Variants in THRAP3 observed in about 807,000 individuals in gnomAD.
THRAP3 encodes the protein thyroid hormone receptor-associated protein 3.
Under a neutral mutation model 101.0 loss-of-function variants are expected in THRAP3, and 16 were observed. The observed-to-expected ratio is 0.16, with a 90% confidence interval of 0.11 to 0.24. The LOEUF (loss-of-function observed/expected upper bound fraction) is 0.24, where lower values mean the gene tolerates loss of function less well. THRAP3 is among the 10% of genes least tolerant of loss of function. THRAP3 has a pLI of 1.00. For synonymous variants in THRAP3, 407 were observed against 422.6 expected, an observed-to-expected ratio of 0.96 and a Z score of 0.45; for missense variants, 989 against 1,202.7, an observed-to-expected ratio of 0.82 and a Z score of 2.63.
chr1:36,288,239 GT>G, intron 4 of THRAP3: 1 of 792,586 alleles, frequency 1.3e-6, no homozygotes, highest in Non-Finnish European at 1.5e-6. Flanking sequence ...GATTTCTGAG[GT>G]TTTGGTGCAC....
chr1:36,216,495 CAAAA>C, the THRAP3 span, among the ~76,000 whole-genome samples: 2 of 56,422 alleles, frequency 3.5e-5, no homozygotes, highest in South Asian at 1.1e-3. Context: ...GACTCCGTCT[CAAAA>C]AAAAAAAAAA....
intron 2 of THRAP3, among the ~76,000 whole-genome samples, chr1:36,277,188 C>T (rs1376408886): frequency 6.6e-6 from 1 of 151,900 alleles, no homozygotes; most frequent in East Asian, 2.0e-4. Context: ...AGGCTGATCT[C>T]GAACTCCTGA....
At chr1:36,243,882 C>G (rs1363196098) in intron 1 of THRAP3, among the ~76,000 whole-genome samples, 1 of 144,470 alleles carries the variant, frequency 6.9e-6, no homozygotes, top group Admixed American at 6.8e-5. Context: ...GGGCTGACCC[C>G]CCCACCTCCC....
At chr1:36,267,552 C>T (rs1253986664) in intron 2 of THRAP3, among the ~76,000 whole-genome samples, 1 of 152,168 alleles carries the variant, frequency 6.6e-6, no homozygotes, top group Non-Finnish European at 1.5e-5. Flanking sequence ...AGCTTCTTAC[C>T]TACTAGTGTA....
intron 2 of THRAP3, among the ~76,000 whole-genome samples, chr1:36,262,959 A>ATTTTT (rs55662646): frequency 1.7e-4 from 18 of 104,366 alleles, no homozygotes; most frequent in African/African-American, 3.6e-4. Context: ...GGGCCGGCTA[A>ATTTTT]TTTTTTTTTT....
chr1:36,293,761 T>G (rs1645911073), intron 7 of THRAP3, 90 bp from the exon 8 acceptor site: 2 of 1,111,784 alleles, frequency 1.8e-6, no homozygotes, highest in Non-Finnish European at 2.7e-6. Context: ...ATAATGCCTG[T>G]GAATCTATTA....
At chr1:36,231,680 G>C (rs1645029315) in intron 1 of THRAP3, among the ~76,000 whole-genome samples, 1 of 152,090 alleles carries the variant, frequency 6.6e-6, no homozygotes, top group Admixed American at 6.6e-5. Flanking sequence ...ATAAAGGATT[G>C]ATAGAGGAAT....
At chr1:36,251,548 G>A (rs908649871) in intron 1 of THRAP3, among the ~76,000 whole-genome samples, 3 of 152,214 alleles carry the variant, frequency 2.0e-5, no homozygotes, top group Non-Finnish European at 2.9e-5. Flanking sequence ...TGGGTTTGTC[G>A]TTGACAGAGC....
At chr1:36,220,108 C>G (rs964396710), upstream of THRAP3, among the ~76,000 whole-genome samples, 1 of 152,166 alleles carries the variant, frequency 6.6e-6, no homozygotes, top group African/African-American at 2.4e-5. Flanking sequence ...ATTCTCCTGC[C>G]TCAGCCTCCT....
upstream of THRAP3, among the ~76,000 whole-genome samples, chr1:36,221,953 G>A (rs1156840670): frequency 1.3e-5 from 2 of 152,046 alleles, no homozygotes; most frequent in Non-Finnish European, 2.9e-5. Context: ...GGGATTACAG[G>A]TGCCCGCCAG....
At chr1:36,302,873 TTAAGTG>T (rs1293195363) in intron 11 of THRAP3, among the ~76,000 whole-genome samples, 4 of 152,128 alleles carry the variant, frequency 2.6e-5, no homozygotes, top group African/African-American at 9.7e-5. Context: ...GAAATGTAGG[TTAAGTG>T]TTTTTCCTAC....
rs577292328 is a variant in THRAP3 at position 36,293,640 on chromosome 1, C to CTGTGTGTGTGTGTGTGTGTGTGTG, written c.2031-195_2031-172dup. Among the ~76,000 whole-genome samples, 95 of 133,414 alleles carry CTGTGTGTGTGTGTGTGTGTGTGTG rather than the reference C, an allele frequency of 7.1e-4. 2 individuals carry two copies. The highest frequency in any genetic ancestry group is 2.1e-3 in the African/African-American group (77 of 35,948). The allele number at this position is 133,414 out of a possible 152,430, so 87.5% of individuals were successfully genotyped here. On this transcript the variant is annotated intron_variant, in intron 7 of 11. Transcript: ENST00000354618. ...TCTGTTACACTGTGGGAACCTGGGA[C>CTGTGTGTGTGTGTGTGTGTGTGTG]TGTGTGTGTGTGTGTGTGTGTGTGT...
chr1:36,220,652 G>A (rs1377731956), upstream of THRAP3, among the ~76,000 whole-genome samples: 2 of 150,538 alleles, frequency 1.3e-5, no homozygotes, highest in East Asian at 2.0e-4. Context: ...AGACCAGAAT[G>A]GGCAATATAC....
intron 2 of THRAP3, among the ~76,000 whole-genome samples, chr1:36,262,021 A>G (rs1019478701): frequency 6.6e-6 from 1 of 152,210 alleles, no homozygotes; most frequent in African/African-American, 2.4e-5. Flanking sequence ...TCTCAAGGAC[A>G]GTGCTGCTCA....
At chr1:36,260,391 C>G (rs903064419) in intron 2 of THRAP3, among the ~76,000 whole-genome samples, 1 of 152,188 alleles carries the variant, frequency 6.6e-6, no homozygotes, top group Non-Finnish European at 1.5e-5. Flanking sequence ...ATTTTCAACT[C>G]TCCAGTTCCT....
intron 3 of THRAP3, 31 bp downstream of exon 3, chr1:36,282,731 A>C (rs754008749): frequency 6.2e-7 from 1 of 1,612,210 alleles, no homozygotes; most frequent in Non-Finnish European, 8.5e-7. Flanking sequence ...ATATTGAGAT[A>C]ATCATTGCAT....
Position 36,224,504 on chromosome 1 carries a change from A to C in THRAP3, c.-136A>C, listed in dbSNP as rs1308073431. 1 of 152,600 alleles carries C rather than the reference A, an allele frequency of 6.6e-6. No homozygotes were observed. The highest frequency in any genetic ancestry group is 2.4e-5 in the African/African-American group (1 of 41,462). 9.5% of individuals were successfully genotyped at this position (152,600 alleles called of 1,614,324 possible). ...CAGCTGCGATCTCTGTGGTAGGCCC[A>C]GGTGAGTGAGCGCCTCTGATGGAAG... is the stretch of plus-strand genomic sequence containing the variant. On this transcript the variant is annotated splice_region_variant and 5_prime_UTR_variant, in exon 1 of 12. Coordinates refer to ENST00000354618, the MANE Select transcript of THRAP3 (RefSeq NM_005119.4).
At chr1:36,297,444 A>ATT (rs764365723) in intron 9 of THRAP3, among the ~76,000 whole-genome samples, 270 of 122,312 alleles carry the variant, frequency 2.2e-3, no homozygotes, top group Middle Eastern at 8.5e-3. Flanking sequence ...GCTGGCAAGC[A>ATT]TTTTTTTTTT....
rs1403095855 is a variant in THRAP3 at position 36,289,619 on chromosome 1, T to C, written c.1600T>C (p.Ser534Pro). 6.2e-7 allele frequency: 1 copy of C among 1,614,100 alleles called. No homozygotes were observed. Among genetic ancestry groups the C allele is most frequent in the African/African-American group, 1.3e-5 (1 of 75,008 alleles). ...TTATAAAGCAGTCCAGGAGAAAAGC[T>C]CATCACCTCCCCCAAGAAAGACCTC... ...TAYKAVQEKS[S>P]SPPPRKTSES... The change falls in exon 5 of 12, where the codon TCA (serine) becomes CCA (proline). Residue 534 changes from serine (S) to proline (P), a missense_variant. Physicochemically the swap from Ser to Pro is moderately conservative, Grantham distance 74. Transcript: ENST00000354618.
Sources: gnomAD v4.1 joint callset for allele counts (sites outside exome capture counted in the v4.1 genomes callset) on GRCh38, gnomAD v4.1.1 for gene constraint, MANE v1.5 for transcripts, NCBI Gene and HGNC (gene_info 2026-07-23, HGNC 2026-07-21) for gene names.